GSC: variants seen among roughly 807,000 people sequenced by gnomAD.
The protein encoded by GSC is homeobox protein goosecoid.
In GSC, 13 loss-of-function variants were observed where a neutral mutation model predicts 24.5. That is an observed-to-expected ratio of 0.53 (90% CI 0.35 to 0.84). The LOEUF (loss-of-function observed/expected upper bound fraction) is 0.84. Ranked by LOEUF, GSC falls within the 40% of genes least tolerant of loss-of-function variation. The pLI is 0.01. For synonymous variants in GSC, 199 were observed against 182.1 expected (o/e 1.09, Z -0.75); for missense variants, 382 against 384.2 (o/e 0.99, Z 0.05).
Position 94,770,108 on chromosome 14 carries a change from C to A in GSC, c.-93G>T. 5 of 1,272,648 alleles carry A rather than the reference C, an allele frequency of 3.9e-6. No individual in the cohort carries two copies. Among genetic ancestry groups the A allele is most frequent in the East Asian group, 2.9e-5 (1 of 34,208 alleles). The allele number at this position is 1,272,648 out of a possible 1,614,324, so 78.8% of individuals were successfully genotyped here. A position where few individuals can be genotyped will look rare whatever the true frequency, so the allele number is the denominator to read the frequency against. ...GGTCCACTCTCCTCCAGCCGCCGACCAAACCGAAAGAGAGCGCCGGCGAGC... is the reference window on the plus strand; with the variant it reads ...GGTCCACTCTCCTCCAGCCGCCGACAAAACCGAAAGAGAGCGCCGGCGAGC... On this transcript the variant is annotated 5_prime_UTR_variant, in exon 1 of 3. Transcript: ENST00000238558.
chr14:94,768,821 C>A, intron 2 of GSC, 137 bp downstream of exon 2: 1 of 1,400,292 alleles, frequency 7.1e-7, no homozygotes, highest in African/African-American at 1.4e-5. Flanking sequence ...GCCTAAAGCG[C>A]CCTCCAGCAG....
chr14:94,769,228 G>A lies in GSC; in HGVS notation c.356-11C>T. The stretch of plus-strand genomic sequence containing the variant: ...CGGGGCCCTCGTAGCCTGCGACAGA[G>A]TGGGGCGCACGGTCAGCCGCCCGCC... On this transcript the variant is annotated splice_polypyrimidine_tract_variant and intron_variant, in intron 1 of 2. Transcript: ENST00000238558. The A allele has an allele frequency of 6.5e-7, 1 of 1,549,676 alleles. No homozygotes were observed. Among genetic ancestry groups the A allele is most frequent in the Non-Finnish European group, 8.7e-7 (1 of 1,146,820 alleles).
At position 94,770,037 on chromosome 14, in the gene GSC, C is replaced by G; in HGVS notation, c.-22G>C. On this transcript the variant is annotated 5_prime_UTR_variant, in exon 1 of 3. Transcript: ENST00000238558. ...GCATCCCCGAGCCCCGCGTCGGGAC[C>G]GGGGGGCGGCGGGAACGCGCCGAGG... The G allele has an allele frequency of 4.6e-6, 7 of 1,535,180 alleles. No individual in the cohort carries two copies. Among genetic ancestry groups the G allele is most frequent in the Non-Finnish European group, 6.1e-6 (7 of 1,148,426 alleles).
intron 2 of GSC, 25 bp downstream of exon 2, chr14:94,768,933 G>T: frequency 6.4e-7 from 1 of 1,566,734 alleles, no homozygotes. Flanking sequence ...ACCGCTAGGC[G>T]CCCACGGCAG....
Position 94,769,826 on chromosome 14 carries a change from G to T in GSC, c.190C>A (p.Pro64Thr). 1 of 1,417,188 alleles carries T rather than the reference G, an allele frequency of 7.1e-7. No individual in the cohort carries two copies. The allele number at this position is 1,417,188 out of a possible 1,614,324, so 87.8% of individuals were successfully genotyped here. A position where few individuals can be genotyped will look rare whatever the true frequency, so the allele number is the denominator to read the frequency against. ...GCGGCCGGGAGGCCCGCGCCGCCGG[G>T]GGCCACGGGGCGCGGGTAGAAGGCG... ...YGAFYPRPVAPGGAGLPAAVS... is the reference protein window; with the variant it reads ...YGAFYPRPVATGGAGLPAAVS... The change falls in exon 1 of 3, where the codon CCC becomes ACC. Residue 64 changes from proline to threonine, a missense_variant. By Grantham distance (38) the Pro-to-Thr change is conservative (BLOSUM62 -1). Transcript: ENST00000238558.
chr14:94,768,742 C>A (rs997328488), intron 2 of GSC, 93 bp from the exon 3 acceptor site: 4 of 1,538,392 alleles, frequency 2.6e-6, no homozygotes, highest in Non-Finnish European at 3.5e-6. Flanking sequence ...CGGCGGGACA[C>A]CCCGCGCAGG....
At position 94,768,334 on chromosome 14, in the gene GSC, G is replaced by C; in HGVS notation, c.*157C>G. ...CTGGGCTGTGCGCGCCCTGACCCCA[G>C]ACGCCGACCCTCCCGGCTCTGTACA... On this transcript the variant is annotated 3_prime_UTR_variant, in exon 3 of 3. Coordinates refer to ENST00000238558, the MANE Select transcript of GSC (RefSeq NM_173849.3). 1.0e-6 allele frequency: 1 copy of C among 985,680 alleles called. No homozygotes were observed. 61.1% of individuals were successfully genotyped at this position (985,680 alleles called of 1,614,324 possible). A position where few individuals can be genotyped will look rare whatever the true frequency, so the allele number is the denominator to read the frequency against.
In GSC at chr14:94,769,845, G is replaced by A. The variant is rs933991393; in HGVS notation, c.171C>T (p.Phe57=). Residue 57 remains phenylalanine, a synonymous_variant, in exon 1 of 3, where the codon TTC becomes TTT. Transcript: ENST00000238558. ...CGCCGGGGGCCACGGGGCGCGGGTA[G>A]AAGGCGCCATAGTCCGAGGAGGCGC... is the stretch of plus-strand genomic sequence containing the variant. ...SGGASSDYGA[F]YPRPVAPGGA... 5.2e-5 allele frequency: 76 copies of A among 1,452,348 alleles called. No homozygotes were observed. The highest frequency in any genetic ancestry group is 6.6e-5 in the Non-Finnish European group (74 of 1,113,382). 90.0% of individuals were successfully genotyped at this position (1,452,348 alleles called of 1,614,324 possible). A position where few individuals can be genotyped will look rare whatever the true frequency, so the allele number is the denominator to read the frequency against.
Position 94,769,774 on chromosome 14 carries a change from T to A in GSC, c.242A>T (p.Asn81Ile). ...GTGCAGCTGCCCGTAGAAGTAGTTG[T>A]TGTAGCCGAGGCGGGAGCCGCTGAC... Reference protein sequence around the residue: ...AAVSGSRLGYNNYFYGQLHVQ... With the variant: ...AAVSGSRLGYINYFYGQLHVQ... The change falls in exon 1 of 3, where the codon AAC becomes ATC. Residue 81 changes from asparagine to isoleucine, a missense_variant. By Grantham distance (149) the Asn-to-Ile change is moderately radical (BLOSUM62 -3). Coordinates refer to ENST00000238558, the MANE Select transcript of GSC (RefSeq NM_173849.3). 1 of 1,438,884 alleles carries A rather than the reference T, an allele frequency of 6.9e-7. No homozygotes were observed. 89.1% of individuals were successfully genotyped at this position (1,438,884 alleles called of 1,614,324 possible).
rs1885253070 is a variant in GSC, at chr14:94,769,976, C to T, written c.40G>A (p.Ala14Thr). The T allele has an allele frequency of 3.2e-6, 5 of 1,558,300 alleles. No individual in the cohort carries two copies. The highest frequency in any genetic ancestry group is 2.3e-5 in the South Asian group (2 of 85,840). ...SMFSIDNILA[A>T]RPRCKDSVLP... ...ACCGAGTCCTTGCAGCGCGGCCGGG[C>T]GGCTAGGATGTTGTCGATGCTGAAC... The change falls in exon 1 of 3, where the codon GCC becomes ACC. Residue 14 changes from alanine (A) to threonine (T), a missense_variant. Coordinates refer to ENST00000238558, the MANE Select transcript of GSC (RefSeq NM_173849.3).
rs1595157852 is a variant in GSC at position 94,769,777 on chromosome 14, T to C, written c.239A>G (p.Tyr80Cys). ...CAGCTGCCCGTAGAAGTAGTTGTTGTAGCCGAGGCGGGAGCCGCTGACCGC... is the reference window on the plus strand; with the variant it reads ...CAGCTGCCCGTAGAAGTAGTTGTTGCAGCCGAGGCGGGAGCCGCTGACCGC... ...PAAVSGSRLG[Y>C]NNYFYGQLHV... is the part of the protein sequence containing the mutation. The change falls in exon 1 of 3, where the codon TAC becomes TGC. Residue 80 changes from tyrosine to cysteine, a missense_variant. Physicochemically the swap from Tyr to Cys is radical, Grantham distance 194. Transcript: ENST00000238558. 2 of 1,436,544 alleles carry C rather than the reference T, an allele frequency of 1.4e-6. No homozygotes were observed. Among genetic ancestry groups the C allele is most frequent in the Non-Finnish European group, 1.8e-6 (2 of 1,104,674 alleles). 89.0% of individuals were successfully genotyped at this position (1,436,544 alleles called of 1,614,324 possible). A position where few individuals can be genotyped will look rare whatever the true frequency, so the allele number is the denominator to read the frequency against.
chr14:94,768,580 C>A lies in GSC; in HGVS notation c.685G>T (p.Ala229Ser), dbSNP rs543612146. 2.3e-5 allele frequency: 37 copies of A among 1,614,186 alleles called. No homozygotes were observed. In the East Asian group the frequency reaches 6.2e-4, roughly 27 times the overall value. ...KRSSSEESEN[A>S]EKWNKTSSSK... ...GACGACGTCTTGTTCCACTTCTCCG[C>A]GTTCTCCGACTCCTCTGATGAGGAC... The change falls in exon 3 of 3, where the codon GCG (alanine) becomes TCG (serine). Residue 229 changes from alanine to serine, a missense_variant. Coordinates refer to ENST00000238558, the MANE Select transcript of GSC (RefSeq NM_173849.3).
rs1885245849 is a variant in GSC, at chr14:94,769,750, T to C, written c.266A>G (p.His89Arg). The change falls in exon 1 of 3, where the codon CAC (histidine) becomes CGC (arginine). Residue 89 changes from histidine (H) to arginine (R), a missense_variant. His to Arg is a conservative substitution (Grantham distance 29). Coordinates refer to ENST00000238558, the MANE Select transcript of GSC (RefSeq NM_173849.3). ...CGGGCCCACGGGCGCCGCCTGCACG[T>C]GCAGCTGCCCGTAGAAGTAGTTGTT... ...GYNNYFYGQL[H>R]VQAAPVGPAC... 6.9e-7 allele frequency: 1 copy of C among 1,442,612 alleles called. No homozygotes were observed. The highest frequency in any genetic ancestry group is 2.9e-5 in the East Asian group (1 of 34,156). 89.4% of individuals were successfully genotyped at this position (1,442,612 alleles called of 1,614,324 possible).
chr14:94,769,857 G>A lies in GSC; in HGVS notation c.159C>T (p.Asp53=), dbSNP rs370207480. Residue 53 remains aspartate, a synonymous_variant, in exon 1 of 3, where the codon GAC becomes GAT. Transcript: ENST00000238558. ...CGGGGCGCGGGTAGAAGGCGCCATA[G>A]TCCGAGGAGGCGCCGCCGCTGGCGC... The part of the protein sequence containing the change: ...LYGASGGASS[D]YGAFYPRPVA... The A allele has an allele frequency of 2.0e-4, 303 of 1,493,096 alleles. 5 individuals are homozygous for A. In the East Asian group the frequency reaches 7.1e-3, roughly 35 times the overall value. The allele number at this position is 1,493,096 out of a possible 1,614,324, so 92.5% of individuals were successfully genotyped here. A position where few individuals can be genotyped will look rare whatever the true frequency, so the allele number is the denominator to read the frequency against.
chr14:94,768,979 G>T lies in GSC; in HGVS notation c.594C>A (p.His198Gln). The stretch of plus-strand genomic sequence containing the variant: ...CTACCTCCACTTTCTCCTCGCGGAG[G>T]TGCACTTTCCGGGCCAGCTGCTCGC... ...GTREQLARKVHLREEKVEVWF... is the reference protein window; with the variant it reads ...GTREQLARKVQLREEKVEVWF... The change falls in exon 2 of 3, where the codon CAC (histidine) becomes CAA (glutamine). Residue 198 changes from histidine to glutamine, a missense_variant. Coordinates refer to ENST00000238558, the MANE Select transcript of GSC (RefSeq NM_173849.3). 6.3e-7 allele frequency: 1 copy of T among 1,591,982 alleles called. No homozygotes were observed. Among genetic ancestry groups the T allele is most frequent in the Non-Finnish European group, 8.5e-7 (1 of 1,170,386 alleles).
Position 94,768,322 on chromosome 14 carries a change from G to A in GSC, c.*169C>T. On this transcript the variant is annotated 3_prime_UTR_variant, in exon 3 of 3. Coordinates refer to ENST00000238558, the MANE Select transcript of GSC (RefSeq NM_173849.3). ...GGCCTCGGGCTGCTGGGCTGTGCGCGCCCTGACCCCAGACGCCGACCCTCC... is the reference window on the plus strand; with the variant it reads ...GGCCTCGGGCTGCTGGGCTGTGCGCACCCTGACCCCAGACGCCGACCCTCC... The A allele has an allele frequency of 1.2e-6, 1 of 836,486 alleles. No homozygotes were observed. Among genetic ancestry groups the A allele is most frequent in the South Asian group, 1.5e-5 (1 of 66,988 alleles). The allele number at this position is 836,486 out of a possible 1,614,324, so 51.8% of individuals were successfully genotyped here.
At position 94,769,824 on chromosome 14, in the gene GSC, G is replaced by A; in HGVS notation, c.192C>T (p.Pro64=). The change falls in exon 1 of 3, where the codon CCC becomes CCT. Residue 64 remains proline (P), a synonymous_variant. Transcript: ENST00000238558. ...YGAFYPRPVA[P]GGAGLPAAVS... is the part of the protein sequence containing the mutation. ...CCGCGGCCGGGAGGCCCGCGCCGCCGGGGGCCACGGGGCGCGGGTAGAAGG... is the reference window on the plus strand; with the variant it reads ...CCGCGGCCGGGAGGCCCGCGCCGCCAGGGGCCACGGGGCGCGGGTAGAAGG... 9 of 1,413,880 alleles carry A rather than the reference G, an allele frequency of 6.4e-6. No homozygotes were observed. Among genetic ancestry groups the A allele is most frequent in the East Asian group, 5.9e-5 (2 of 33,860 alleles). The allele number at this position is 1,413,880 out of a possible 1,614,324, so 87.6% of individuals were successfully genotyped here. A position where few individuals can be genotyped will look rare whatever the true frequency, so the allele number is the denominator to read the frequency against.
At chr14:94,768,807 C>G in intron 2 of GSC, 151 bp downstream of exon 2, 1 of 1,380,596 alleles carries the variant, frequency 7.2e-7, no homozygotes, top group Non-Finnish European at 9.9e-7. Context: ...ATTCAACTTC[C>G]TGGGCCTAAA....
Position 94,769,764 on chromosome 14 carries a change from G to A in GSC, c.252C>T (p.Phe84=). The change falls in exon 1 of 3, where the codon TTC becomes TTT. Residue 84 remains phenylalanine (F), a synonymous_variant. Coordinates refer to ENST00000238558, the MANE Select transcript of GSC (RefSeq NM_173849.3). ...CCGCCTGCACGTGCAGCTGCCCGTA[G>A]AAGTAGTTGTTGTAGCCGAGGCGGG... ...SGSRLGYNNY[F]YGQLHVQAAP... The A allele has an allele frequency of 6.9e-7, 1 of 1,442,808 alleles. No individual in the cohort carries two copies. The highest frequency in any genetic ancestry group is 9.0e-7 in the Non-Finnish European group (1 of 1,107,480). 89.4% of individuals were successfully genotyped at this position (1,442,808 alleles called of 1,614,324 possible). A position where few individuals can be genotyped will look rare whatever the true frequency, so the allele number is the denominator to read the frequency against.
Sources: allele counts gnomAD v4.1 joint callset, GRCh38; gene constraint gnomAD v4.1.1; transcripts MANE v1.5; gene names NCBI Gene and HGNC (gene_info 2026-07-23, HGNC 2026-07-21).